The following FSTL4 variants were observed in gnomAD, a reference collection of about 807,000 sequenced individuals.
FSTL4 encodes the protein follistatin-related protein 4.
Under a neutral mutation model 78.2 loss-of-function variants are expected in FSTL4, and 28 were observed. The observed-to-expected ratio is 0.36, with a 90% CI of 0.27 to 0.49. FSTL4 has a LOEUF of 0.49. Among genes scored for constraint, FSTL4 ranks in the 20% least tolerant of loss-of-function variants. The pLI, the probability that FSTL4 is intolerant of heterozygous loss-of-function variation, is 0.98. For synonymous variants in FSTL4, 422 were observed against 440.5 expected (o/e 0.96, Z 0.53); for missense variants, 922 against 1,084.9 (o/e 0.85, Z 2.11).
chr5:133,398,178 C>A (rs1326698077), intron 4 of FSTL4, among the ~76,000 whole-genome samples: 1 of 152,178 alleles, frequency 6.6e-6, no homozygotes, highest in African/African-American at 2.4e-5. Flanking sequence ...GGCCTGCCTT[C>A]CATCCGTCAG....
the FSTL4 span, among the ~76,000 whole-genome samples, chr5:133,778,518 G>T: frequency 6.6e-6 from 1 of 152,212 alleles, no homozygotes; most frequent in South Asian, 2.1e-4. Context: ...CAGCCAAAGT[G>T]AGTTCATTCT....
intron 4 of FSTL4, among the ~76,000 whole-genome samples, chr5:133,322,046 C>G (rs1754071141): frequency 6.6e-6 from 1 of 152,178 alleles, no homozygotes; most frequent in Non-Finnish European, 1.5e-5. Flanking sequence ...TTTGTGGTAA[C>G]CTTGGCTAAG....
chr5:133,567,103 T>G, intron 3 of FSTL4, 83 bp downstream of exon 3: 1 of 965,656 alleles, frequency 1.0e-6, no homozygotes, highest in East Asian at 2.4e-5. Flanking sequence ...CTGCCCACAG[T>G]CTGAAGTTCA....
the FSTL4 span, among the ~76,000 whole-genome samples, chr5:133,634,633 A>G: frequency 4.6e-5 from 7 of 152,248 alleles, no homozygotes; most frequent in Admixed American, 4.6e-4. Flanking sequence ...TGTCTACTCC[A>G]TCATCCTAGA....
At chr5:133,690,985 G>A in the FSTL4 span, among the ~76,000 whole-genome samples, 15 of 152,150 alleles carry the variant, frequency 9.9e-5, no homozygotes, top group African/African-American at 2.9e-4. Context: ...GCTAACTAGC[G>A]GGGAGAACTT....
At chr5:133,374,146 G>A (rs1755379682) in intron 4 of FSTL4, among the ~76,000 whole-genome samples, 1 of 152,174 alleles carries the variant, frequency 6.6e-6, no homozygotes, top group Non-Finnish European at 1.5e-5. Flanking sequence ...CCCTCCCCTG[G>A]CTTCCCTATC....
the FSTL4 span, among the ~76,000 whole-genome samples, chr5:133,839,235 A>G: frequency 2.8e-3 from 421 of 152,078 alleles, 2 homozygotes; most frequent in African/African-American, 9.4e-3. Context: ...ACTCAGACTC[A>G]CTCCCAAGGC....
the FSTL4 span, among the ~76,000 whole-genome samples, chr5:133,654,478 G>A: frequency 6.6e-6 from 1 of 152,324 alleles, no homozygotes; most frequent in South Asian, 2.1e-4. Context: ...TCATACACTA[G>A]CATCAAGGCC....
the FSTL4 span, among the ~76,000 whole-genome samples, chr5:133,787,806 T>C: frequency 1.2e-4 from 18 of 152,160 alleles, no homozygotes; most frequent in Admixed American, 4.6e-4. Flanking sequence ...CTGCCTGTCC[T>C]CCCCAGACCC....
intron 14 of FSTL4, among the ~76,000 whole-genome samples, chr5:133,204,869 T>G (rs1026967539): frequency 4.0e-5 from 6 of 151,564 alleles, no homozygotes; most frequent in African/African-American, 1.2e-4. Flanking sequence ...AGGCTTTTGG[T>G]TAACACTTCC....
chr5:133,713,481 T>C, the FSTL4 span, among the ~76,000 whole-genome samples: 1 of 152,194 alleles, frequency 6.6e-6, no homozygotes, highest in Admixed American at 6.5e-5. Context: ...CCAGTGGTGA[T>C]GCAGAGAACT....
chr5:133,416,811 C>G (rs953572331), intron 3 of FSTL4, among the ~76,000 whole-genome samples: 1 of 152,144 alleles, frequency 6.6e-6, no homozygotes, highest in Non-Finnish European at 1.5e-5. Flanking sequence ...ATGACTCAAG[C>G]ACTGTTCTGA....
the FSTL4 span, among the ~76,000 whole-genome samples, chr5:133,738,298 C>T: frequency 6.6e-6 from 1 of 152,326 alleles, no homozygotes; most frequent in African/African-American, 2.4e-5. Flanking sequence ...TGTGAACTTA[C>T]CAAGTTTTGC....
At chr5:133,469,757 T>C (rs1757782492) in intron 3 of FSTL4, among the ~76,000 whole-genome samples, 1 of 151,924 alleles carries the variant, frequency 6.6e-6, no homozygotes, top group South Asian at 2.1e-4. Flanking sequence ...TAAGTACATT[T>C]CCAGAACATT....
chr5:133,662,910 C>A, the FSTL4 span, among the ~76,000 whole-genome samples: 1 of 152,048 alleles, frequency 6.6e-6, no homozygotes, highest in African/African-American at 2.4e-5. Flanking sequence ...TAACGCCATC[C>A]AATAATTTAA....
At chr5:133,580,416 CCTGGAGA>C (rs1468079518) in intron 2 of FSTL4, among the ~76,000 whole-genome samples, 1 of 152,156 alleles carries the variant, frequency 6.6e-6, no homozygotes, top group Non-Finnish European at 1.5e-5. Context: ...TATTTATTGT[CCTGGAGA>C]TGTAGCAGTG....
At chr5:133,349,223 A>ATTCC (rs367569645) in intron 4 of FSTL4, among the ~76,000 whole-genome samples, 12 of 152,246 alleles carry the variant, frequency 7.9e-5, no homozygotes, top group African/African-American at 2.9e-4. Flanking sequence ...TCCTGGGGGA[A>ATTCC]GAACACCAAA....
At chr5:133,549,481 T>A (rs112588762) in intron 3 of FSTL4, among the ~76,000 whole-genome samples, 420 of 152,350 alleles carry the variant, frequency 2.8e-3, no homozygotes, top group African/African-American at 9.7e-3. Flanking sequence ...TCCCTTTTTA[T>A]TGCTTATAAC....
At chr5:133,659,583 C>T in the FSTL4 span, among the ~76,000 whole-genome samples, 1 of 150,808 alleles carries the variant, frequency 6.6e-6, no homozygotes, top group Non-Finnish European at 1.5e-5. Context: ...ATTGTAATTC[C>T]TATTATAAAT....
Sources: gnomAD v4.1 joint callset for allele counts (sites outside exome capture counted in the v4.1 genomes callset) on GRCh38, gnomAD v4.1.1 for gene constraint, MANE v1.5 for transcripts, NCBI Gene and HGNC (gene_info 2026-07-23, HGNC 2026-07-21) for gene names.